The following TRPA1 variants were observed in gnomAD, a reference collection of about 807,000 sequenced individuals.
TRPA1 encodes the protein ankyrin-like with transmembrane domains 1.
In TRPA1, 129 loss-of-function variants were observed where a neutral mutation model predicts 131.3. The ratio of observed to expected loss-of-function variants is 0.98; its 90% CI spans 0.85 to 1.14. TRPA1 has a LOEUF of 1.14. Among genes scored for constraint, TRPA1 ranks in the 50% most tolerant of loss-of-function variants. The pLI is 0.00. For missense variants in TRPA1, 1,304 were observed against 1,354.2 expected, an observed-to-expected ratio of 0.96 and a Z score of 0.58; for synonymous variants, 441 against 451.7, an observed-to-expected ratio of 0.98 and a Z score of 0.30.
intron 17 of TRPA1, among the ~76,000 whole-genome samples, chr8:72,042,833 C>T (rs558016795): frequency 6.6e-6 from 1 of 151,862 alleles, no homozygotes; most frequent in African/African-American, 2.4e-5. Context: ...TAAGATTCCA[C>T]TTTATATGAA....
At position 72,025,990 on chromosome 8, in the gene TRPA1, GGGATACACGATGGT is replaced by G; in HGVS notation, c.3007_3020del (p.Thr1003GlnfsTer30). On this transcript the variant is annotated frameshift_variant, in exon 25 of 27. Transcript: ENST00000262209. LOFTEE classifies it high-confidence loss of function. ...ACATCCCACCAGATCTGGGTTTGTT[GGGATACACGATGGT>G]GGATTTCTGATCCACTTTGCGTAGA... 1 of 1,613,884 alleles carries G rather than the reference GGGATACACGATGGT, an allele frequency of 6.2e-7. No individual in the cohort carries two copies. Among genetic ancestry groups the G allele is most frequent in the East Asian group, 2.2e-5 (1 of 44,862 alleles).
At position 72,029,970 on chromosome 8, in the gene TRPA1, C is replaced by T; in HGVS notation, c.2869-1G>A. 6.2e-7 allele frequency: 1 copy of T among 1,613,714 alleles called. No individual in the cohort carries two copies. The highest frequency in any genetic ancestry group is 1.1e-5 in the South Asian group (1 of 91,064). ...CAATGTCGCCAACTGCCAAACCAAT[C>T]TGAAGTATGACACAAAATTAAATCA... On this transcript the variant is annotated splice_acceptor_variant, in intron 23 of 26. Coordinates refer to ENST00000262209, the MANE Select transcript of TRPA1 (RefSeq NM_007332.3). LOFTEE classifies it high-confidence loss of function.
In TRPA1 at chr8:72,023,941, A is replaced by G. The variant is rs774167285; in HGVS notation, c.3052-30T>C. The G allele has an allele frequency of 3.5e-6, 5 of 1,417,612 alleles. No individual in the cohort carries two copies. The African/African-American group carries it at 5.6e-5, about 16-fold the overall frequency. The allele number at this position is 1,417,612 out of a possible 1,614,324, so 87.8% of individuals were successfully genotyped here. On this transcript the variant is annotated intron_variant, in intron 25 of 26. Coordinates refer to ENST00000262209, the MANE Select transcript of TRPA1 (RefSeq NM_007332.3). ...CGGATAAAAAATAGTAGTTACTCAA[A>G]TTGAATTCAATTCAGGAACTTTTTC...
the TRPA1 span, among the ~76,000 whole-genome samples, chr8:72,086,297 T>C: frequency 6.6e-6 from 1 of 152,230 alleles, no homozygotes; most frequent in Non-Finnish European, 1.5e-5. Flanking sequence ...TTATTATATC[T>C]TTCTCATTTA....
At chr8:72,030,473 C>T (rs1811774549) in intron 23 of TRPA1, among the ~76,000 whole-genome samples, 2 of 152,200 alleles carry the variant, frequency 1.3e-5, no homozygotes, top group Admixed American at 6.5e-5. Context: ...TTTGGTAATA[C>T]ACCTTACAGA....
chr8:72,032,371 C>A (rs781219997), intron 23 of TRPA1, among the ~76,000 whole-genome samples: 3 of 152,068 alleles, frequency 2.0e-5, no homozygotes, highest in Admixed American at 6.6e-5. Context: ...CTATGGCAGT[C>A]CAAGCCAACC....
chr8:72,059,048 G>T (rs1044165442), intron 8 of TRPA1, among the ~76,000 whole-genome samples: 4 of 152,140 alleles, frequency 2.6e-5, no homozygotes, highest in Non-Finnish European at 5.9e-5. Context: ...AAGCCACCAG[G>T]GCTGAAGAAG....
At chr8:72,035,490 T>C (rs541926740) in intron 21 of TRPA1, among the ~76,000 whole-genome samples, 1 of 152,326 alleles carries the variant, frequency 6.6e-6, no homozygotes, top group African/African-American at 2.4e-5. Context: ...ACTGACTAGC[T>C]GAGATCTTCA....
rs1811429740 is a variant in TRPA1 at position 72,022,532 on chromosome 8, A to G, written c.*374T>C. ...GTGACTATTTTCTAGAGCATCACAT[A>G]TTATGTAATTAACAAGCAGGAATTC... On this transcript the variant is annotated 3_prime_UTR_variant, in exon 27 of 27. Coordinates refer to ENST00000262209, the MANE Select transcript of TRPA1 (RefSeq NM_007332.3). 5.7e-6 allele frequency: 2 copies of G among 349,214 alleles called. No individual in the cohort carries two copies. The highest frequency in any genetic ancestry group is 8.3e-5 in the Admixed American group (2 of 24,064). The allele number at this position is 349,214 out of a possible 1,614,324, so 21.6% of individuals were successfully genotyped here.
chr8:72,036,482 T>C (rs779011131), intron 20 of TRPA1, 25 bp from the exon 21 acceptor site: 1 of 1,599,850 alleles, frequency 6.3e-7, no homozygotes, highest in Non-Finnish European at 8.6e-7. Context: ...AATAAAAAAT[T>C]ACCACATATA....
At chr8:72,032,990 C>T (rs1309046465) in intron 23 of TRPA1, among the ~76,000 whole-genome samples, 1 of 152,214 alleles carries the variant, frequency 6.6e-6, no homozygotes, top group Non-Finnish European at 1.5e-5. Flanking sequence ...TTGCCTGCAT[C>T]AGCCAACGTG....
At chr8:72,046,840 A>T (rs978422654) in intron 16 of TRPA1, among the ~76,000 whole-genome samples, 1 of 152,030 alleles carries the variant, frequency 6.6e-6, no homozygotes, top group Non-Finnish European at 1.5e-5. Flanking sequence ...TCTCATAGGC[A>T]TGGAAAGAGA....
intron 4 of TRPA1, among the ~76,000 whole-genome samples, 158 bp downstream of exon 4, chr8:72,065,293 A>C (rs1200343621): frequency 6.6e-6 from 1 of 152,192 alleles, no homozygotes; most frequent in African/African-American, 2.4e-5. Context: ...CAGGGAGTAC[A>C]TATACAAAAA....
the TRPA1 span, among the ~76,000 whole-genome samples, chr8:72,088,366 C>CTTTTTTTTTTTTTTTTTTTTT: frequency 3.7e-5 from 3 of 81,216 alleles, no homozygotes; most frequent in East Asian, 4.4e-4. Context: ...TCTTTGAAAA[C>CTTTTTTTTTTTTTTTTTTTTT]TTTTTTTTTT....
intron 10 of TRPA1, chr8:72,056,178 CT>C: frequency 2.8e-6 from 1 of 353,126 alleles, no homozygotes; most frequent in South Asian, 2.9e-5. Context: ...CCCTCTGCCC[CT>C]CCTCTTATTT....
intron 23 of TRPA1, among the ~76,000 whole-genome samples, chr8:72,030,793 A>T (rs1046451370): frequency 3.3e-5 from 5 of 150,666 alleles, no homozygotes; most frequent in Non-Finnish European, 5.9e-5. Flanking sequence ...GAAGGAAAAC[A>T]TATACTATAG....
At position 72,071,793 on chromosome 8, in the gene TRPA1, C is replaced by T. The variant is rs1585892902; in HGVS notation, c.186G>A (p.Met62Ile). Residue 62 changes from methionine (M) to isoleucine (I), a missense_variant, in exon 2 of 27, where the codon ATG becomes ATA. Coordinates refer to ENST00000262209, the MANE Select transcript of TRPA1 (RefSeq NM_007332.3). ...CAGCATAATGCAAGAAGAAGGTGTC[C>T]ATATCGTCACATCTTTTTAATTTCT... The part of the protein sequence containing the change: ...KQKKLKRCDD[M>I]DTFFLHYAAA... 6.2e-7 allele frequency: 1 copy of T among 1,613,324 alleles called. No individual in the cohort carries two copies. The highest frequency in any genetic ancestry group is 8.5e-7 in the Non-Finnish European group (1 of 1,179,700).
rs190001360 is a variant in TRPA1, at chr8:72,062,798, C to T, written c.807+1G>A. The stretch of plus-strand genomic sequence containing the variant: ...GTGTTATATAGAATATGAAGAGTTA[C>T]CTCCACTGGGTCTATTTGTGCACCA... On this transcript the variant is annotated splice_donor_variant, in intron 6 of 26. Transcript: ENST00000262209. LOFTEE classifies it high-confidence loss of function. 6.2e-7 allele frequency: 1 copy of T among 1,613,766 alleles called. No individual in the cohort carries two copies. Among genetic ancestry groups the T allele is most frequent in the Non-Finnish European group, 8.5e-7 (1 of 1,179,828 alleles).
chr8:72,083,267 C>G, the TRPA1 span, among the ~76,000 whole-genome samples: 5,829 of 152,080 alleles, frequency 0.038, 377 homozygotes, highest in African/African-American at 0.13. Flanking sequence ...AAATACTTAA[C>G]TGCTAAATCT....
Sources: gnomAD v4.1 joint callset for allele counts (sites outside exome capture counted in the v4.1 genomes callset) on GRCh38, gnomAD v4.1.1 for gene constraint, MANE v1.5 for transcripts, NCBI Gene and HGNC (gene_info 2026-07-23, HGNC 2026-07-21) for gene names.